The following COL23A1 variants were observed in gnomAD, a reference collection of about 807,000 sequenced individuals.
COL23A1 encodes collagen type XXIII alpha 1 chain.
COL23A1 carries 97 observed loss-of-function variants against 99.3 expected under a neutral mutation model. The observed-to-expected ratio is 0.98, with a 90% CI of 0.83 to 1.16. The LOEUF (loss-of-function observed/expected upper bound fraction) is 1.16. Ranked by LOEUF, COL23A1 falls within the 50% of genes most tolerant of loss-of-function variation. The pLI, the probability that COL23A1 is intolerant of heterozygous loss-of-function variation, is 0.00. For missense variants in COL23A1, 762 were observed against 757.4 expected, an observed-to-expected ratio of 1.01 and a Z score of -0.07; for synonymous variants, 320 against 308.2, an observed-to-expected ratio of 1.04 and a Z score of -0.40.
intron 2 of COL23A1, among the ~76,000 whole-genome samples, chr5:178,540,292 C>T (rs1194900894): frequency 6.6e-6 from 1 of 152,084 alleles, no homozygotes; most frequent in East Asian, 1.9e-4. Context: ...TTAGAATTAA[C>T]AAGTACATGT....
chr5:178,311,381 G>T (rs534685669), intron 2 of COL23A1, among the ~76,000 whole-genome samples: 11 of 152,312 alleles, frequency 7.2e-5, no homozygotes, highest in African/African-American at 2.6e-4. Flanking sequence ...ACACCAGCCT[G>T]GGGTACAAAA....
chr5:178,338,775 C>T (rs1302747427), intron 2 of COL23A1, among the ~76,000 whole-genome samples: 1 of 152,172 alleles, frequency 6.6e-6, no homozygotes, highest in African/African-American at 2.4e-5. Flanking sequence ...TATGCAGATC[C>T]AGGGCATCAG....
intron 1 of COL23A1, among the ~76,000 whole-genome samples, chr5:178,566,277 ACTGTT>A (rs1762837597): frequency 6.6e-6 from 1 of 152,198 alleles, no homozygotes; most frequent in Non-Finnish European, 1.5e-5. Context: ...GGGTGACAGA[ACTGTT>A]CTGTGTGGTC....
At chr5:178,331,542 C>T (rs1015042617) in intron 2 of COL23A1, among the ~76,000 whole-genome samples, 5 of 152,218 alleles carry the variant, frequency 3.3e-5, no homozygotes, top group Non-Finnish European at 4.4e-5. Context: ...TAAATGGTCC[C>T]CAAGGAATCC....
At position 178,333,118 on chromosome 5, in the gene COL23A1, C is replaced by T. The variant is rs10060713; in HGVS notation, c.362-26199G>A. Among the ~76,000 whole-genome samples the T allele has an allele frequency of 6.0e-3, 914 of 152,154 alleles. 11 individuals carry two copies. The highest frequency in any genetic ancestry group is 0.021 in the African/African-American group (877 of 41,516). On this transcript the variant is annotated intron_variant, in intron 2 of 28. Coordinates refer to ENST00000390654, the MANE Select transcript of COL23A1 (RefSeq NM_173465.4). Reference sequence around the variant, plus strand: ...GACTACAGGCGCCTGCCACCGTGCCCAGCTAATTTTTGTATTTTTAATAGA... The same window carrying T: ...GACTACAGGCGCCTGCCACCGTGCCTAGCTAATTTTTGTATTTTTAATAGA...
chr5:178,336,822 T>C (rs1760347809), intron 2 of COL23A1, among the ~76,000 whole-genome samples: 2 of 152,262 alleles, frequency 1.3e-5, no homozygotes, highest in South Asian at 2.1e-4. Flanking sequence ...ACGGTGCTTT[T>C]AAAAACAAAA....
intron 2 of COL23A1, among the ~76,000 whole-genome samples, chr5:178,486,893 A>C (rs1757661267): frequency 1.3e-5 from 2 of 152,190 alleles, no homozygotes; most frequent in African/African-American, 4.8e-5. Flanking sequence ...AAACGAAGGA[A>C]ACTGACGGGG....
At position 178,484,080 on chromosome 5, in the gene COL23A1, C is replaced by T. The variant is rs1357114401; in HGVS notation, c.361+76602G>A. 3.9e-5 allele frequency among the ~76,000 whole-genome samples: 6 copies of T among 152,070 alleles called. No homozygotes were observed. In the East Asian group the frequency reaches 9.6e-4, roughly 24 times the overall value. ...CTGAGTAGCTGGGATTATATGCCAC[C>T]ACATCTGCCTAATTTTTGTATTTTT... On this transcript the variant is annotated intron_variant, in intron 2 of 28. Coordinates refer to ENST00000390654, the MANE Select transcript of COL23A1 (RefSeq NM_173465.4).
intron 2 of COL23A1, among the ~76,000 whole-genome samples, chr5:178,401,564 A>G (rs529595590): frequency 1.3e-5 from 2 of 152,312 alleles, no homozygotes; most frequent in African/African-American, 2.4e-5. Context: ...TCTCCATTTG[A>G]GGGATATTTG....
At position 178,415,491 on chromosome 5, in the gene COL23A1, C is replaced by T. The variant is rs7704362; in HGVS notation, c.362-108572G>A. 0.11 allele frequency among the ~76,000 whole-genome samples: 17,301 copies of T among 152,186 alleles called. 1,518 individuals carry two copies. Among genetic ancestry groups the T allele is most frequent in the East Asian group, 0.39 (1,990 of 5,146 alleles). Reference sequence around the variant, plus strand: ...GCTGCCTCTCTGCACAGGCTTGCTGCTGCCAGCCGGCCTCCACGAACACTT... The same window carrying T: ...GCTGCCTCTCTGCACAGGCTTGCTGTTGCCAGCCGGCCTCCACGAACACTT... On this transcript the variant is annotated intron_variant, in intron 2 of 28. Transcript: ENST00000390654. This position sits in a 1 kb window ranked among gnomAD's most constrained non-coding sequence, Gnocchi z 4.6.
rs1186715239 is a variant in COL23A1, at chr5:178,365,127, C to CTGTGTGTGTG, written c.362-58209_362-58208insCACACACACA. 8.3e-6 allele frequency among the ~76,000 whole-genome samples: 1 copy of CTGTGTGTGTG among 120,396 alleles called. No individual in the cohort carries two copies. Among genetic ancestry groups the CTGTGTGTGTG allele is most frequent in the East Asian group, 4.1e-4 (1 of 2,426 alleles). The allele number at this position is 120,396 out of a possible 152,430, so 79.0% of individuals were successfully genotyped here. A position where few individuals can be genotyped will look rare whatever the true frequency, so the allele number is the denominator to read the frequency against. ...CTTTGGGGTGGGCTTTATGATGTTG[C>CTGTGTGTGTG]TGTGTGTGCGTGTGTGTGTGTGTGT... On this transcript the variant is annotated intron_variant, in intron 2 of 28. Transcript: ENST00000390654. This position sits in a 1 kb window ranked among gnomAD's most constrained non-coding sequence, Gnocchi z 5.2.
chr5:178,575,186 T>C (rs1442803575), intron 1 of COL23A1, among the ~76,000 whole-genome samples: 1 of 139,792 alleles, frequency 7.2e-6, no homozygotes, highest in Admixed American at 7.1e-5. Flanking sequence ...TGTCCTCCTT[T>C]AGGAAACAGG....
At chr5:178,407,071 GC>G (rs755228550) in intron 2 of COL23A1, among the ~76,000 whole-genome samples, 5 of 152,200 alleles carry the variant, frequency 3.3e-5, no homozygotes, top group Non-Finnish European at 4.4e-5. Context: ...TCTCATATAT[GC>G]AGAACTGGGT....
intron 2 of COL23A1, among the ~76,000 whole-genome samples, chr5:178,413,123 C>G (rs537493383): frequency 6.6e-6 from 1 of 152,082 alleles, no homozygotes; most frequent in Non-Finnish European, 1.5e-5. Context: ...TTCAAAGTTA[C>G]AGAGAGCTAT....
intron 18 of COL23A1, among the ~76,000 whole-genome samples, chr5:178,249,712 A>T (rs1177235324): frequency 1.3e-4 from 12 of 90,564 alleles, no homozygotes; most frequent in East Asian, 3.9e-4. Context: ...ACACACACAC[A>T]CACACTCTCT....
chr5:178,326,965 A>G lies in COL23A1; in HGVS notation c.362-20046T>C, dbSNP rs369560653. ...GAACTCCTGACTTCGTGATCCGCCC[A>G]CCTTGGCCTCCCAAAGTGCCGGGAT... On this transcript the variant is annotated intron_variant, in intron 2 of 28. Transcript: ENST00000390654. Among the ~76,000 whole-genome samples, 4 of 152,276 alleles carry G rather than the reference A, an allele frequency of 2.6e-5. No individual in the cohort carries two copies. In the East Asian group the frequency reaches 5.8e-4, roughly 22 times the overall value.
chr5:178,542,270 T>A (rs1236535445), intron 2 of COL23A1, among the ~76,000 whole-genome samples: 2 of 152,120 alleles, frequency 1.3e-5, no homozygotes, highest in Non-Finnish European at 2.9e-5. Context: ...GCCAGGCTGG[T>A]CTCGCCCGCC....
chr5:178,291,623 G>C (rs546600573), intron 3 of COL23A1, among the ~76,000 whole-genome samples: 2 of 152,174 alleles, frequency 1.3e-5, no homozygotes, highest in African/African-American at 4.8e-5. Context: ...ATGGTCTGGG[G>C]GGCTTGGTTC....
rs1364084854 is a variant in COL23A1, at chr5:178,448,458, C to T, written c.361+112224G>A. Reference sequence around the variant, plus strand: ...GCTAGTCGCAGTCCGTTTTGTTCTGCCATAACAGAATACCCGAGACTGGGT... The same window carrying T: ...GCTAGTCGCAGTCCGTTTTGTTCTGTCATAACAGAATACCCGAGACTGGGT... On this transcript the variant is annotated intron_variant, in intron 2 of 28. Coordinates refer to ENST00000390654, the MANE Select transcript of COL23A1 (RefSeq NM_173465.4). Among the ~76,000 whole-genome samples, 6 of 152,192 alleles carry T rather than the reference C, an allele frequency of 3.9e-5. No individual in the cohort carries two copies. In the South Asian group the frequency reaches 1.0e-3, roughly 26 times the overall value.
Sources: allele counts gnomAD v4.1 joint callset (sites outside exome capture counted in the v4.1 genomes callset), GRCh38; gene constraint gnomAD v4.1.1; non-coding constraint Gnocchi (gnomAD v3.1); transcripts MANE v1.5; gene names NCBI Gene and HGNC (gene_info 2026-07-23, HGNC 2026-07-21).